Variants in CACNA1G observed in about 807,000 individuals in gnomAD.
The protein encoded by CACNA1G is voltage-dependent T-type calcium channel subunit alpha-1G.
A neutral mutation model predicts 219.4 loss-of-function variants in CACNA1G; 67 were observed. The ratio of observed to expected loss-of-function variants is 0.31; its 90% CI spans 0.25 to 0.37. The LOEUF (loss-of-function observed/expected upper bound fraction) is 0.37, where lower values mean the gene tolerates loss of function less well. Among genes scored for constraint, CACNA1G ranks in the 10% least tolerant of loss-of-function variants. CACNA1G has a pLI of 1.00. For missense variants in CACNA1G, 2,380 were observed against 3,231.4 expected (o/e 0.74, Z 6.39); for synonymous variants, 1,296 against 1,345.3 (o/e 0.96, Z 0.80).
At chr17:50,613,021 G>A (rs778245637) in intron 26 of CACNA1G, among the ~76,000 whole-genome samples, 2 of 152,216 alleles carry the variant, frequency 1.3e-5, no homozygotes, top group African/African-American at 2.4e-5. Flanking sequence ...GCAAAGGAGG[G>A]TGGCATCGCC....
At position 50,568,946 on chromosome 17, in the gene CACNA1G, A is replaced by G. The variant is rs2038663678; in HGVS notation, c.319A>G (p.Ile107Val). ...GGGCATGTTCCGGCCATGCGAGGAC[A>G]TCGCCTGTGACTCCCAGCGCTGCCG... ...TLGMFRPCEDIACDSQRCRIL... is the reference protein window; with the variant it reads ...TLGMFRPCEDVACDSQRCRIL... Residue 107 changes from isoleucine (I) to valine (V), a missense_variant, in exon 2 of 38, where the codon ATC becomes GTC. By Grantham distance (29) the Ile-to-Val change is conservative. Coordinates refer to ENST00000359106, the MANE Select transcript of CACNA1G (RefSeq NM_018896.5). The G allele has an allele frequency of 6.2e-7, 1 of 1,612,728 alleles. No homozygotes were observed. The highest frequency in any genetic ancestry group is 8.5e-7 in the Non-Finnish European group (1 of 1,179,828).
intron 36 of CACNA1G, 33 bp from the exon 37 acceptor site, chr17:50,624,327 C>CCCCCCCCCT: frequency 9.1e-7 from 1 of 1,098,676 alleles, no homozygotes; most frequent in Admixed American, 2.0e-5. Context: ...CATTCTCTCC[C>CCCCCCCCCT]CCCACCCCTC....
At chr17:50,611,126 C>T (rs1411359952) in intron 26 of CACNA1G, among the ~76,000 whole-genome samples, 4 of 151,860 alleles carry the variant, frequency 2.6e-5, no homozygotes, top group East Asian at 3.9e-4. Flanking sequence ...TGGTGGCATA[C>T]GCCTGTAATC....
Position 50,617,806 on chromosome 17 carries a change from T to G in CACNA1G, c.5156-53T>G, listed in dbSNP as rs995759108. 1.3e-6 allele frequency: 2 copies of G among 1,591,288 alleles called. No homozygotes were observed. The highest frequency in any genetic ancestry group is 1.7e-6 in the Non-Finnish European group (2 of 1,163,462). On this transcript the variant is annotated intron_variant, in intron 29 of 37. Coordinates refer to ENST00000359106, the MANE Select transcript of CACNA1G (RefSeq NM_018896.5). This position sits in a 1 kb window ranked among gnomAD's most constrained non-coding sequence, Gnocchi z 5.8. ...CAGCCCTGGTCCTGACTCTGCCAGC[T>G]GTCTGGCCGGGGACCCAAAGAGGCC...
chr17:50,579,833 C>T (rs908565186), intron 9 of CACNA1G, among the ~76,000 whole-genome samples: 3 of 152,156 alleles, frequency 2.0e-5, no homozygotes, highest in Non-Finnish European at 4.4e-5. Context: ...AAAGGTGGTA[C>T]AGGCAGGGTG....
chr17:50,581,596 T>C (rs12943135), intron 9 of CACNA1G, among the ~76,000 whole-genome samples: 12,332 of 152,246 alleles, frequency 0.081, 679 homozygotes, highest in Middle Eastern at 0.12. Context: ...CTATATGTGA[T>C]ACCCCACCCC....
intron 9 of CACNA1G, among the ~76,000 whole-genome samples, chr17:50,589,842 C>T (rs555083843): frequency 6.6e-6 from 1 of 151,084 alleles, no homozygotes; most frequent in South Asian, 2.1e-4. Context: ...TGGGTGTCTG[C>T]GTGTCTTCCT....
At chr17:50,592,886 C>T (rs1259959492) in intron 13 of CACNA1G, among the ~76,000 whole-genome samples, 5 of 152,172 alleles carry the variant, frequency 3.3e-5, no homozygotes, top group Non-Finnish European at 7.3e-5. Context: ...ATGGAAACTC[C>T]CGCTGCGGCC....
chr17:50,614,966 A>G (rs2050136501), intron 26 of CACNA1G, among the ~76,000 whole-genome samples: 1 of 152,172 alleles, frequency 6.6e-6, no homozygotes, highest in Non-Finnish European at 1.5e-5. Context: ...CTCCCCGTTG[A>G]TGGCGCGTCC....
At position 50,561,595 on chromosome 17, in the gene CACNA1G, T is replaced by C; in HGVS notation, c.136T>C (p.Ser46Pro). 1 of 1,576,028 alleles carries C rather than the reference T, an allele frequency of 6.3e-7. No homozygotes were observed. The highest frequency in any genetic ancestry group is 8.6e-7 in the Non-Finnish European group (1 of 1,163,236). The part of the protein sequence containing the change: ...SAEKDPGSAD[S>P]EAEGLPYPAL... ...AGAAAAGGACCCGGGCAGCGCGGAC[T>C]CCGAGGCGGAGGGGCTGCCGTACCC... Residue 46 changes from serine to proline, a missense_variant, in exon 1 of 38, where the codon TCC (serine) becomes CCC (proline). Ser to Pro is a moderately conservative substitution (Grantham distance 74). This residue lies in a region of CACNA1G where 98 missense variants were observed against 85.5 expected (regional missense o/e 1.15). Coordinates refer to ENST00000359106, the MANE Select transcript of CACNA1G (RefSeq NM_018896.5).
Position 50,590,510 on chromosome 17 carries a change from G to C in CACNA1G, c.2341G>C (p.Val781Leu). The change falls in exon 10 of 38, where the codon GTC (valine) becomes CTC (leucine). Residue 781 changes from valine to leucine, a missense_variant. This residue lies in a region of CACNA1G where 82 missense variants were observed against 140.7 expected (regional missense o/e 0.58). Coordinates refer to ENST00000359106, the MANE Select transcript of CACNA1G (RefSeq NM_018896.5). ...CAACGCCCTAGAAATCAGCAACATCGTCTTCACCAGCCTCTTTGCCCTGGA... is the reference window on the plus strand; with the variant it reads ...CAACGCCCTAGAAATCAGCAACATCCTCTTCACCAGCCTCTTTGCCCTGGA... The part of the protein sequence containing the change: ...LTNALEISNI[V>L]FTSLFALEML... 1 of 1,613,908 alleles carries C rather than the reference G, an allele frequency of 6.2e-7. No homozygotes were observed. The highest frequency in any genetic ancestry group is 8.5e-7 in the Non-Finnish European group (1 of 1,179,856).
At chr17:50,625,889 G>C (rs559420298) in intron 37 of CACNA1G, 128 bp from the exon 38 acceptor site, 1 of 1,016,260 alleles carries the variant, frequency 9.8e-7, no homozygotes, top group South Asian at 1.7e-5. Flanking sequence ...GCGGCTACCA[G>C]GACCTCTGCT....
chr17:50,620,160 G>C (rs151148556), intron 34 of CACNA1G, among the ~76,000 whole-genome samples: 10 of 152,202 alleles, frequency 6.6e-5, no homozygotes, highest in South Asian at 6.2e-4. Flanking sequence ...GGGACCTTAG[G>C]GGGTGGAGGG....
Position 50,603,237 on chromosome 17 carries a change from T to C in CACNA1G, c.4169+38T>C. The C allele has an allele frequency of 6.4e-7, 1 of 1,568,274 alleles. No homozygotes were observed. The highest frequency in any genetic ancestry group is 8.6e-7 in the Non-Finnish European group (1 of 1,158,950). On this transcript the variant is annotated intron_variant, in intron 21 of 37. Transcript: ENST00000359106. This position sits in a 1 kb window ranked among gnomAD's most constrained non-coding sequence, Gnocchi z 6.4. ...CCAGCACTGGAACACCTCCAAGAGGTGGCCCCCTCCGCAGGGACATCTCCC... is the reference window on the plus strand; with the variant it reads ...CCAGCACTGGAACACCTCCAAGAGGCGGCCCCCTCCGCAGGGACATCTCCC...
At chr17:50,564,485 A>C in intron 1 of CACNA1G, among the ~76,000 whole-genome samples, 1 of 56,504 alleles carries the variant, frequency 1.8e-5, no homozygotes, top group Non-Finnish European at 3.4e-5. Flanking sequence ...CCAGAGGGGG[A>C]GAGGGGAGCC....
rs1190351345 is a variant in CACNA1G, at chr17:50,590,482, T to A, written c.2313T>A (p.Leu771=). 3.6e-5 allele frequency: 58 copies of A among 1,613,768 alleles called. No homozygotes were observed. Among genetic ancestry groups the A allele is most frequent in the Non-Finnish European group, 4.9e-5 (58 of 1,179,864 alleles). ...GIEYHEQPEE[L]TNALEISNIV... ...ACCCTGCCCTGCAGCCCGAGGAGCT[T>A]ACCAACGCCCTAGAAATCAGCAACA... The change falls in exon 10 of 38, where the codon CTT becomes CTA. Residue 771 remains leucine, a synonymous_variant. Transcript: ENST00000359106.
chr17:50,623,921 C>A lies in CACNA1G; in HGVS notation c.6075C>A (p.Pro2025=), dbSNP rs763696145. ...TCCTTTTGCAGATGCAGCCCCACCC[C>A]ACGGAGCTGCCAGGACCAGACTTAC... The part of the protein sequence containing the change: ...SALESNMQPH[P]TELPGPDLLT... The change falls in exon 36 of 38, where the codon CCC becomes CCA. Residue 2025 remains proline, a synonymous_variant. Coordinates refer to ENST00000359106, the MANE Select transcript of CACNA1G (RefSeq NM_018896.5). 5 of 1,610,388 alleles carry A rather than the reference C, an allele frequency of 3.1e-6. No homozygotes were observed. The African/African-American group carries it at 5.3e-5, about 17-fold the overall frequency.
In CACNA1G at chr17:50,616,366, G is replaced by A. The variant is rs746161629; in HGVS notation, c.5003G>A (p.Arg1668His). 8.1e-6 allele frequency: 13 copies of A among 1,611,212 alleles called. No homozygotes were observed. The highest frequency in any genetic ancestry group is 2.2e-5 in the East Asian group (1 of 44,888). ...TTCAAACTTGTGGCCTTTGGTTTCC[G>A]TCGGTTCTTCCAGGACAGGTAACGG... is the stretch of plus-strand genomic sequence containing the variant. ...SVFKLVAFGF[R>H]RFFQDRWNQL... is the part of the protein sequence containing the mutation. Residue 1668 changes from arginine (R) to histidine (H), a missense_variant, in exon 28 of 38, where the codon CGT becomes CAT. Arg to His is a conservative substitution (Grantham distance 29, BLOSUM62 0). Transcript: ENST00000359106.
At chr17:50,607,227 T>G in intron 24 of CACNA1G, 2 of 542,338 alleles carry the variant, frequency 3.7e-6, no homozygotes, top group South Asian at 3.6e-5. Context: ...ATTTGGGCTG[T>G]GTGCAGTGGC....
Sources: allele counts gnomAD v4.1 joint callset (sites outside exome capture counted in the v4.1 genomes callset), GRCh38; gene constraint gnomAD v4.1.1; regional missense constraint gnomAD v4.1.1; non-coding constraint Gnocchi (gnomAD v3.1); transcripts MANE v1.5; gene names NCBI Gene and HGNC (gene_info 2026-07-23, HGNC 2026-07-21).